Variants in CFAP299 observed in about 807,000 individuals in gnomAD.
The protein encoded by CFAP299 is cilia and flagella associated protein 299, also known as cilia- and flagella-associated protein 299.
A neutral mutation model predicts 27.0 loss-of-function variants in CFAP299; 21 were observed. The observed-to-expected ratio is 0.78, with a 90% CI of 0.55 to 1.12. The LOEUF is 1.12. Ranked by LOEUF, CFAP299 falls within the 50% of genes most tolerant of loss-of-function variation. CFAP299 has a pLI of 0.00. For missense variants in CFAP299, 310 were observed against 276.6 expected (o/e 1.12, Z -0.86); for synonymous variants, 104 against 98.1 (o/e 1.06, Z -0.36).
chr4:80,408,845 C>T (rs1414902379), intron 2 of CFAP299, among the ~76,000 whole-genome samples: 26 of 150,164 alleles, frequency 1.7e-4, no homozygotes, highest in Non-Finnish European at 3.7e-4. Context: ...GGTTTTTTTT[C>T]CCAAATCATT....
chr4:80,663,310 A>G (rs1462688962), intron 3 of CFAP299, among the ~76,000 whole-genome samples: 2 of 151,362 alleles, frequency 1.3e-5, no homozygotes, highest in African/African-American at 4.9e-5. Flanking sequence ...TGACAGGCAC[A>G]GTGTTTGATG....
rs190812088 is a variant in CFAP299, at chr4:80,601,642, G to A, written c.333+18459G>A. On this transcript the variant is annotated intron_variant, in intron 3 of 5. Coordinates refer to ENST00000358105, the MANE Select transcript of CFAP299 (RefSeq NM_152770.3). ...TTTGGAACAGTCAGACTAAAAGAAA[G>A]TTTGTTGTGTATAGTGGACAATACC... Among the ~76,000 whole-genome samples the A allele has an allele frequency of 6.3e-4, 96 of 152,290 alleles. 1 individual carries two copies. In the East Asian group the frequency reaches 0.014, roughly 22 times the overall value.
intron 2 of CFAP299, among the ~76,000 whole-genome samples, chr4:80,555,215 G>A (rs958647101): frequency 2.0e-5 from 3 of 152,058 alleles, no homozygotes; most frequent in Non-Finnish European, 4.4e-5. Flanking sequence ...AAGGGGTGTT[G>A]AATTTTATTG....
At chr4:80,423,330 T>C (rs1252411756) in intron 2 of CFAP299, among the ~76,000 whole-genome samples, 1 of 152,270 alleles carries the variant, frequency 6.6e-6, no homozygotes, top group African/African-American at 2.4e-5. Flanking sequence ...CAATTAATAA[T>C]AGTCCATTTG....
intron 2 of CFAP299, among the ~76,000 whole-genome samples, chr4:80,424,860 T>C (rs1409423163): frequency 6.6e-6 from 1 of 152,208 alleles, no homozygotes; most frequent in African/African-American, 2.4e-5. Flanking sequence ...GTTTTGTGAT[T>C]TCTTAATGGA....
chr4:80,813,691 A>G (rs1729275882), intron 3 of CFAP299, among the ~76,000 whole-genome samples: 2 of 152,014 alleles, frequency 1.3e-5, no homozygotes, highest in African/African-American at 4.8e-5. Context: ...TTAAACATAA[A>G]TTTTGGGTGA....
At chr4:80,847,624 A>G (rs1731258182) in intron 3 of CFAP299, among the ~76,000 whole-genome samples, 1 of 152,220 alleles carries the variant, frequency 6.6e-6, no homozygotes, top group Admixed American at 6.5e-5. Context: ...TAGGCCAGGT[A>G]CTTAACCTTC....
At chr4:80,502,129 C>G (rs1403342888) in intron 2 of CFAP299, among the ~76,000 whole-genome samples, 1 of 151,966 alleles carries the variant, frequency 6.6e-6, no homozygotes, top group African/African-American at 2.4e-5. Context: ...CAATTATATT[C>G]AAGACCACTG....
intron 4 of CFAP299, among the ~76,000 whole-genome samples, chr4:80,879,885 G>A (rs1733603723): frequency 6.6e-6 from 1 of 152,140 alleles, no homozygotes; most frequent in Non-Finnish European, 1.5e-5. Flanking sequence ...GTCTAAGCAT[G>A]AAAAGTCAAG....
intron 3 of CFAP299, among the ~76,000 whole-genome samples, chr4:80,771,094 CAG>C (rs1726188102): frequency 1.3e-5 from 2 of 152,086 alleles, no homozygotes; most frequent in Admixed American, 1.3e-4. Flanking sequence ...GCATGCGTAA[CAG>C]GGAGTGGGAG....
At chr4:80,854,266 ATAGT>A (rs1260331548) in intron 3 of CFAP299, among the ~76,000 whole-genome samples, 1 of 152,200 alleles carries the variant, frequency 6.6e-6, no homozygotes, top group Non-Finnish European at 1.5e-5. Context: ...GAAAGATAAA[ATAGT>A]TGGTGTGAGA....
chr4:80,943,764 G>C (rs953207268), intron 4 of CFAP299, among the ~76,000 whole-genome samples: 1 of 152,026 alleles, frequency 6.6e-6, no homozygotes, highest in African/African-American at 2.4e-5. Context: ...GGAAGTTTCT[G>C]TACAAAATAT....
At chr4:80,669,149 CTTTTT>C (rs869091451) in intron 3 of CFAP299, among the ~76,000 whole-genome samples, 2 of 17,142 alleles carry the variant, frequency 1.2e-4, no homozygotes, top group African/African-American at 2.1e-4. Flanking sequence ...TTCTTTCTTT[CTTTTT>C]TTTTTTTTTT....
At chr4:80,930,946 A>T (rs977967084) in intron 4 of CFAP299, among the ~76,000 whole-genome samples, 1 of 151,980 alleles carries the variant, frequency 6.6e-6, no homozygotes, top group African/African-American at 2.4e-5. Context: ...CAGTCTGGAC[A>T]AGGTTTCTCT....
At chr4:80,800,091 TATA>T (rs1296622430) in intron 3 of CFAP299, among the ~76,000 whole-genome samples, 1 of 67,446 alleles carries the variant, frequency 1.5e-5, no homozygotes, top group Non-Finnish European at 2.5e-5. Context: ...TATAAATATA[TATA>T]ATATATAATA....
At chr4:80,374,382 T>C (rs1199549571) in intron 2 of CFAP299, among the ~76,000 whole-genome samples, 1 of 152,116 alleles carries the variant, frequency 6.6e-6, no homozygotes, top group Admixed American at 6.6e-5. Flanking sequence ...GAAGTGTAAC[T>C]CTGATAAGGG....
chr4:80,480,239 G>A (rs1373429651), intron 2 of CFAP299, among the ~76,000 whole-genome samples: 1 of 151,450 alleles, frequency 6.6e-6, no homozygotes, highest in Non-Finnish European at 1.5e-5. Flanking sequence ...TATTGTTTAT[G>A]GTGTTAAAAG....
intron 3 of CFAP299, among the ~76,000 whole-genome samples, chr4:80,618,023 G>A (rs1738384165): frequency 6.6e-6 from 1 of 152,076 alleles, no homozygotes; most frequent in Non-Finnish European, 1.5e-5. Context: ...CAAAATTGGA[G>A]GAATAAAAGA....
At chr4:80,650,557 A>G (rs996096254) in intron 3 of CFAP299, among the ~76,000 whole-genome samples, 2 of 152,100 alleles carry the variant, frequency 1.3e-5, no homozygotes, top group African/African-American at 2.4e-5. Context: ...AAGAGTCTCT[A>G]ATGTAACCAT....
Sources: gnomAD v4.1 joint callset for allele counts (sites outside exome capture counted in the v4.1 genomes callset) on GRCh38, gnomAD v4.1.1 for gene constraint, MANE v1.5 for transcripts, NCBI Gene and HGNC (gene_info 2026-07-23, HGNC 2026-07-21) for gene names.